GPR39: variants seen among roughly 807,000 people sequenced by gnomAD.
GPR39 encodes zinc sensing receptor.
A neutral mutation model predicts 18.4 loss-of-function variants in GPR39; 23 were observed. The ratio of observed to expected loss-of-function variants is 1.25; its 90% CI spans 0.90 to 1.77. The LOEUF is 1.77. Among genes scored for constraint, GPR39 ranks in the 40% most tolerant of loss-of-function variants. The probability of loss-of-function intolerance (pLI) is 0.00; values close to 1 mark genes in which losing one functional copy is unlikely to be tolerated. For synonymous variants in GPR39, 280 were observed against 257.9 expected (o/e 1.09, Z -0.82); for missense variants, 647 against 602.4 (o/e 1.07, Z -0.78).
intron 1 of GPR39, among the ~76,000 whole-genome samples, chr2:132,532,535 A>G (rs973111550): frequency 6.6e-6 from 1 of 152,166 alleles, no homozygotes; most frequent in African/African-American, 2.4e-5. Context: ...TGGCAGAGAC[A>G]CAACCAAAAA....
chr2:132,439,757 T>C (rs1340762722), intron 1 of GPR39, among the ~76,000 whole-genome samples: 1 of 152,320 alleles, frequency 6.6e-6, no homozygotes, highest in Admixed American at 6.5e-5. Context: ...TCCATTAACC[T>C]GAGTCACCAA....
intron 1 of GPR39, among the ~76,000 whole-genome samples, chr2:132,476,117 C>T (rs1681120591): frequency 1.3e-5 from 2 of 152,014 alleles, no homozygotes; most frequent in Admixed American, 1.3e-4. Context: ...CAAGCCAACA[C>T]CTTACCTTTC....
intron 1 of GPR39, among the ~76,000 whole-genome samples, chr2:132,622,103 G>T (rs1310948201): frequency 6.6e-6 from 1 of 152,112 alleles, no homozygotes; most frequent in Non-Finnish European, 1.5e-5. Flanking sequence ...ATAAAAGTCT[G>T]CCAGAATTGG....
At chr2:132,606,325 T>A (rs187392351) in intron 1 of GPR39, 36 of 152,336 alleles carry the variant, frequency 2.4e-4, no homozygotes, top group African/African-American at 7.9e-4. Flanking sequence ...GAGAGTGAAT[T>A]TTGAAATAAA....
chr2:132,474,483 G>A (rs1188000682), intron 1 of GPR39, among the ~76,000 whole-genome samples: 1 of 152,182 alleles, frequency 6.6e-6, no homozygotes, highest in African/African-American at 2.4e-5. Context: ...CTTACGTCTG[G>A]AAACTGGGTG....
intron 1 of GPR39, among the ~76,000 whole-genome samples, chr2:132,547,939 A>G (rs3109135): frequency 0.016 from 2,502 of 152,236 alleles, 76 homozygotes; most frequent in African/African-American, 0.058. Flanking sequence ...TTTATGATAG[A>G]TGGCTTTGCC....
intron 1 of GPR39, among the ~76,000 whole-genome samples, chr2:132,506,205 GAGAA>G (rs1277810637): frequency 1.3e-5 from 2 of 151,816 alleles, no homozygotes; most frequent in African/African-American, 4.8e-5. Context: ...GTTTTCTTTG[GAGAA>G]ATGTCTATGC....
intron 1 of GPR39, among the ~76,000 whole-genome samples, chr2:132,450,288 C>T (rs1045302368): frequency 1.2e-4 from 19 of 152,174 alleles, no homozygotes; most frequent in African/African-American, 4.6e-4. Flanking sequence ...AGAATTGATG[C>T]AAAGCAGATG....
chr2:132,462,576 T>G (rs541786372), intron 1 of GPR39, among the ~76,000 whole-genome samples: 5 of 152,374 alleles, frequency 3.3e-5, no homozygotes, highest in African/African-American at 1.2e-4. Context: ...TGACAAGAAC[T>G]GCTTTTCCTG....
At chr2:132,422,844 G>T (rs73955642) in intron 1 of GPR39, among the ~76,000 whole-genome samples, 1 of 151,894 alleles carries the variant, frequency 6.6e-6, no homozygotes, top group African/African-American at 2.4e-5. Context: ...CATAGTTTCC[G>T]AGGAAGGGGA....
Position 132,535,695 on chromosome 2 carries a change from C to CTTTTTTTTTTTTTTTTTTTTTTTTTT in GPR39, c.857-109395_857-109394insTTTTTTTTTTTTTTTTTTTTTTTTTT, listed in dbSNP as rs753801511. Among the ~76,000 whole-genome samples, 20 of 96,504 alleles carry CTTTTTTTTTTTTTTTTTTTTTTTTTT rather than the reference C, an allele frequency of 2.1e-4. 2 individuals are homozygous for CTTTTTTTTTTTTTTTTTTTTTTTTTT. Among genetic ancestry groups the CTTTTTTTTTTTTTTTTTTTTTTTTTT allele is most frequent in the South Asian group, 8.8e-4 (2 of 2,274 alleles). The allele number at this position is 96,504 out of a possible 152,430, so 63.3% of individuals were successfully genotyped here. On this transcript the variant is annotated intron_variant, in intron 1 of 1. Transcript: ENST00000329321. ...GGCTGTGAATCCATCTGGTCCTGGG[C>CTTTTTTTTTTTTTTTTTTTTTTTTTT]TTTTTTTTTTTGGTTGGTAGGCTAT...
At chr2:132,531,757 C>T (rs1325328435) in intron 1 of GPR39, among the ~76,000 whole-genome samples, 1 of 152,048 alleles carries the variant, frequency 6.6e-6, no homozygotes, top group East Asian at 1.9e-4. Flanking sequence ...CTACTGGGGA[C>T]ATAACAAAAT....
intron 1 of GPR39, among the ~76,000 whole-genome samples, chr2:132,549,971 G>A (rs1177914646): frequency 6.6e-6 from 1 of 152,140 alleles, no homozygotes. Flanking sequence ...GGAGGACTTA[G>A]GTGCATGTGC....
intron 1 of GPR39, among the ~76,000 whole-genome samples, chr2:132,487,063 A>G (rs1433214963): frequency 6.6e-6 from 1 of 152,126 alleles, no homozygotes; most frequent in African/African-American, 2.4e-5. Flanking sequence ...ATTGTGTCTC[A>G]GGGAATACGG....
chr2:132,642,504 G>A (rs574129048), intron 1 of GPR39, among the ~76,000 whole-genome samples: 1 of 152,290 alleles, frequency 6.6e-6, no homozygotes, highest in Non-Finnish European at 1.5e-5. Context: ...GATCAGTGAA[G>A]GACAGTTGAC....
chr2:132,426,684 A>G (rs573212069), intron 1 of GPR39, among the ~76,000 whole-genome samples: 1 of 152,368 alleles, frequency 6.6e-6, no homozygotes, highest in Admixed American at 6.5e-5. Context: ...AAACTTGACA[A>G]AAAGTCTTGT....
chr2:132,429,978 A>G (rs1247782576), intron 1 of GPR39, among the ~76,000 whole-genome samples: 1 of 152,240 alleles, frequency 6.6e-6, no homozygotes, highest in East Asian at 1.9e-4. Flanking sequence ...AGCTAGGCTA[A>G]TGGATTCAGA....
chr2:132,489,394 C>T (rs1681412303), intron 1 of GPR39, among the ~76,000 whole-genome samples: 1 of 152,098 alleles, frequency 6.6e-6, no homozygotes, highest in Admixed American at 6.5e-5. Context: ...GGACTTGCTG[C>T]TCCTAGCTCT....
At chr2:132,525,911 T>C (rs1035501352) in intron 1 of GPR39, among the ~76,000 whole-genome samples, 11 of 152,178 alleles carry the variant, frequency 7.2e-5, no homozygotes, top group African/African-American at 2.7e-4. Context: ...AGATAAATGC[T>C]CCATGAAAGT....
Sources: allele counts gnomAD v4.1 joint callset (sites outside exome capture counted in the v4.1 genomes callset), GRCh38; gene constraint gnomAD v4.1.1; transcripts MANE v1.5; gene names NCBI Gene and HGNC (gene_info 2026-07-23, HGNC 2026-07-21).